Variants in GRM7 observed in about 807,000 individuals in gnomAD.
GRM7 encodes metabotropic glutamate receptor 7.
In GRM7, 35 loss-of-function variants were observed where a neutral mutation model predicts 84.5. That is an observed-to-expected ratio of 0.41 (90% confidence interval 0.32 to 0.55). The LOEUF is 0.55. Among genes scored for constraint, GRM7 ranks in the 20% least tolerant of loss-of-function variants. The probability of loss-of-function intolerance (pLI) is 0.19; values close to 1 mark genes in which losing one functional copy is unlikely to be tolerated. For missense variants in GRM7, 1,003 were observed against 1,194.6 expected, an observed-to-expected ratio of 0.84 and a Z score of 2.36; for synonymous variants, 487 against 455.1, an observed-to-expected ratio of 1.07 and a Z score of -0.89.
intron 7 of GRM7, among the ~76,000 whole-genome samples, chr3:7,509,964 G>T (rs757079081): frequency 3.9e-5 from 6 of 152,098 alleles, no homozygotes; most frequent in Non-Finnish European, 7.4e-5. Context: ...GGAAAACTTG[G>T]AACATAAGCC....
At chr3:7,587,108 C>G (rs73809432) in intron 8 of GRM7, among the ~76,000 whole-genome samples, 3,443 of 152,226 alleles carry the variant, frequency 0.023, 110 homozygotes, top group East Asian at 0.1. Context: ...AATTTGCATA[C>G]TTCAACATGA....
At chr3:7,393,686 A>C (rs1274773651) in intron 4 of GRM7, among the ~76,000 whole-genome samples, 1 of 152,184 alleles carries the variant, frequency 6.6e-6, no homozygotes, top group East Asian at 1.9e-4. Context: ...TTCCCAATAA[A>C]AATGGTTTTA....
chr3:7,168,117 C>A (rs898883892), intron 2 of GRM7, among the ~76,000 whole-genome samples: 18 of 151,232 alleles, frequency 1.2e-4, no homozygotes, highest in African/African-American at 4.4e-4. Context: ...GCTAAGCAGT[C>A]AACCCAAGAG....
chr3:6,867,731 TCTGA>T (rs781164322), intron 1 of GRM7, among the ~76,000 whole-genome samples: 13 of 152,160 alleles, frequency 8.5e-5, no homozygotes, highest in Non-Finnish European at 1.8e-4. Context: ...CAACATATAG[TCTGA>T]CTGGTTAATT....
intron 2 of GRM7, among the ~76,000 whole-genome samples, chr3:7,172,419 A>G (rs772349994): frequency 2.6e-5 from 4 of 152,042 alleles, no homozygotes; most frequent in African/African-American, 4.8e-5. Flanking sequence ...AGCAATCCCA[A>G]TCATTGCCCA....
intron 8 of GRM7, among the ~76,000 whole-genome samples, chr3:7,659,370 A>T (rs888111000): frequency 6.6e-6 from 1 of 152,140 alleles, no homozygotes. Context: ...GGGAAAGAGA[A>T]AGAGGCTTCC....
intron 7 of GRM7, among the ~76,000 whole-genome samples, chr3:7,469,262 C>G (rs1698595791): frequency 6.6e-6 from 1 of 152,188 alleles, no homozygotes; most frequent in African/African-American, 2.4e-5. Flanking sequence ...CATTTGAGAA[C>G]TTGGTTTACC....
chr3:7,076,281 C>T (rs980593663), intron 1 of GRM7, among the ~76,000 whole-genome samples: 3 of 152,136 alleles, frequency 2.0e-5, no homozygotes, highest in South Asian at 4.1e-4. Context: ...TATGGTTTGG[C>T]TCTGTGTCTC....
chr3:7,396,345 A>C (rs1250434902), intron 4 of GRM7, among the ~76,000 whole-genome samples: 2 of 152,192 alleles, frequency 1.3e-5, no homozygotes, highest in African/African-American at 2.4e-5. Context: ...GGTAGCAAAA[A>C]AAAAGTATCC....
chr3:6,905,541 T>C (rs989230545), intron 1 of GRM7, among the ~76,000 whole-genome samples: 9 of 149,328 alleles, frequency 6.0e-5, no homozygotes, highest in African/African-American at 2.3e-4. Context: ...GACATTTCAA[T>C]CTATATTCTT....
intron 2 of GRM7, among the ~76,000 whole-genome samples, chr3:7,270,992 C>T (rs1299753833): frequency 2.6e-5 from 4 of 152,084 alleles, no homozygotes; most frequent in Non-Finnish European, 4.4e-5. Flanking sequence ...ATTTTGCAGC[C>T]AGGTCTCTAG....
At chr3:6,865,477 A>G (rs17046193) in intron 1 of GRM7, among the ~76,000 whole-genome samples, 8,201 of 152,092 alleles carry the variant, frequency 0.054, 790 homozygotes, top group African/African-American at 0.19. Flanking sequence ...CTCTGAATGA[A>G]TAATATTTCC....
chr3:7,466,270 C>A (rs1212785565), intron 7 of GRM7, among the ~76,000 whole-genome samples: 1 of 152,016 alleles, frequency 6.6e-6, no homozygotes, highest in African/African-American at 2.4e-5. Context: ...GGTAAGGGCT[C>A]TGTAGTAGAT....
chr3:6,903,637 A>G (rs1696471942), intron 1 of GRM7, among the ~76,000 whole-genome samples: 1 of 152,112 alleles, frequency 6.6e-6, no homozygotes, highest in Non-Finnish European at 1.5e-5. Flanking sequence ...AGGAACAGGC[A>G]GTTTCTCTCT....
chr3:7,507,918 G>A (rs940474387), intron 7 of GRM7, among the ~76,000 whole-genome samples: 1 of 152,004 alleles, frequency 6.6e-6, no homozygotes, highest in Non-Finnish European at 1.5e-5. Context: ...CCATTCTTCC[G>A]ATAACTGCAC....
intron 4 of GRM7, among the ~76,000 whole-genome samples, chr3:7,383,391 A>T (rs1193998162): frequency 6.6e-6 from 1 of 152,188 alleles, no homozygotes; most frequent in Non-Finnish European, 1.5e-5. Context: ...GGAGGGATAG[A>T]AATTAAGCTT....
At chr3:7,342,820 G>C (rs1268637444) in intron 4 of GRM7, among the ~76,000 whole-genome samples, 1 of 152,062 alleles carries the variant, frequency 6.6e-6, no homozygotes, top group Non-Finnish European at 1.5e-5. Flanking sequence ...CAAGATCCAG[G>C]CAGCCTGCTG....
intron 2 of GRM7, among the ~76,000 whole-genome samples, chr3:7,206,038 G>C (rs1359611369): frequency 6.6e-6 from 1 of 152,142 alleles, no homozygotes; most frequent in Non-Finnish European, 1.5e-5. Flanking sequence ...ACTAAAGTCT[G>C]ATATTCAGGT....
intron 7 of GRM7, among the ~76,000 whole-genome samples, chr3:7,510,398 C>T (rs1313070378): frequency 6.6e-6 from 1 of 152,128 alleles, no homozygotes; most frequent in African/African-American, 2.4e-5. Flanking sequence ...ACTGTATTAG[C>T]CTAAATTACA....
Sources: gnomAD v4.1 joint callset for allele counts (sites outside exome capture counted in the v4.1 genomes callset) on GRCh38, gnomAD v4.1.1 for gene constraint, MANE v1.5 for transcripts, NCBI Gene and HGNC (gene_info 2026-07-23, HGNC 2026-07-21) for gene names.